Variants in PLCB1 observed in about 807,000 individuals in gnomAD.
PLCB1 encodes the protein 1-phosphatidylinositol 4,5-bisphosphate phosphodiesterase beta-1.
PLCB1 carries 46 observed loss-of-function variants against 161.8 expected under a neutral mutation model. The observed-to-expected ratio is 0.28, with a 90% CI of 0.22 to 0.36. The LOEUF (loss-of-function observed/expected upper bound fraction) is 0.36. Among genes scored for constraint, PLCB1 ranks in the 10% least tolerant of loss-of-function variants. The probability of loss-of-function intolerance (pLI) is 1.00; values close to 1 mark genes in which losing one functional copy is unlikely to be tolerated. For missense variants in PLCB1, 1,016 were observed against 1,472.5 expected (o/e 0.69, Z 5.07); for synonymous variants, 517 against 503.7 (o/e 1.03, Z -0.35).
At chr20:8,705,339 T>A (rs1483119268) in intron 11 of PLCB1, among the ~76,000 whole-genome samples, 1 of 152,156 alleles carries the variant, frequency 6.6e-6, no homozygotes, top group Non-Finnish European at 1.5e-5. Flanking sequence ...CTAGATAAAT[T>A]CTGTTTCTCT....
At chr20:8,557,633 G>A (rs1463812691) in intron 3 of PLCB1, among the ~76,000 whole-genome samples, 2 of 151,902 alleles carry the variant, frequency 1.3e-5, no homozygotes, top group Non-Finnish European at 2.9e-5. Context: ...GGTGATGATT[G>A]CACAACACAA....
At chr20:8,492,593 T>C (rs541984204) in intron 3 of PLCB1, among the ~76,000 whole-genome samples, 27 of 152,152 alleles carry the variant, frequency 1.8e-4, no homozygotes, top group African/African-American at 6.0e-4. Flanking sequence ...GGGAGTAATT[T>C]AGTAGGTTAT....
At chr20:8,691,034 T>C (rs984527604) in intron 10 of PLCB1, among the ~76,000 whole-genome samples, 6 of 152,186 alleles carry the variant, frequency 3.9e-5, no homozygotes, top group Admixed American at 6.5e-5. Flanking sequence ...GAAACAAAAC[T>C]ATATAAAAAT....
intron 1 of PLCB1, among the ~76,000 whole-genome samples, chr20:8,139,229 G>T (rs2123009111): frequency 6.6e-6 from 1 of 151,872 alleles, no homozygotes; most frequent in South Asian, 2.1e-4. Flanking sequence ...TGGGATTACA[G>T]GCACATGCCA....
intron 19 of PLCB1, among the ~76,000 whole-genome samples, chr20:8,735,214 T>G (rs549548865): frequency 2.8e-4 from 42 of 152,362 alleles, no homozygotes; most frequent in African/African-American, 9.9e-4. Context: ...TTGCTTTGCT[T>G]GCAGATTCGT....
At chr20:8,756,741 G>A (rs2123561821) in intron 23 of PLCB1, among the ~76,000 whole-genome samples, 1 of 152,300 alleles carries the variant, frequency 6.6e-6, no homozygotes, top group South Asian at 2.1e-4. Context: ...TTTGTATCAA[G>A]TTTGCTATTC....
chr20:8,849,692 A>G (rs1038583845), intron 31 of PLCB1, among the ~76,000 whole-genome samples: 5 of 140,796 alleles, frequency 3.6e-5, no homozygotes, highest in African/African-American at 1.3e-4. Flanking sequence ...ATAAAATTAA[A>G]TTAAAAATTA....
At chr20:8,665,913 T>C (rs1242931385) in intron 9 of PLCB1, among the ~76,000 whole-genome samples, 2 of 152,170 alleles carry the variant, frequency 1.3e-5, no homozygotes, top group East Asian at 3.9e-4. Flanking sequence ...ATCTGTAAAA[T>C]GGGATGAGAC....
rs149048945 is a variant in PLCB1 at position 8,779,370 on chromosome 20, G to A, written c.3111+4651G>A. On this transcript the variant is annotated intron_variant, in intron 27 of 31. Transcript: ENST00000338037. ...GAAATAATAAAAGCAGGAAAAAATG[G>A]ATATGAAAGCACAGATATAACTATT... 2.3e-3 allele frequency among the ~76,000 whole-genome samples: 350 copies of A among 152,008 alleles called. 2 individuals carry two copies. The highest frequency in any genetic ancestry group is 3.4e-3 in the Middle Eastern group (1 of 294).
chr20:8,509,502 CTGTATT>C (rs1174580961), intron 3 of PLCB1, among the ~76,000 whole-genome samples: 6 of 152,128 alleles, frequency 3.9e-5, no homozygotes, highest in Non-Finnish European at 5.9e-5. Context: ...TTTCATCAAA[CTGTATT>C]CTTCTTTAGG....
intron 9 of PLCB1, among the ~76,000 whole-genome samples, chr20:8,675,605 A>G (rs762248896): frequency 4.6e-5 from 7 of 152,220 alleles, no homozygotes; most frequent in Non-Finnish European, 8.8e-5. Context: ...CAACAAAAAT[A>G]TCTGCAGTAT....
chr20:8,206,614 A>G (rs909803394), intron 2 of PLCB1, among the ~76,000 whole-genome samples: 3 of 152,154 alleles, frequency 2.0e-5, no homozygotes, highest in African/African-American at 7.2e-5. Context: ...ATAAATACTT[A>G]CTATATTTTA....
chr20:8,881,769 G>T lies in PLCB1; in HGVS notation c.3571G>T (p.Gly1191Ter). Residue 1191 changes from glycine to a stop codon, truncating the protein, a stop_gained, in exon 32 of 32, where the codon GGA becomes TGA. Transcript: ENST00000338037. LOFTEE classifies it high-confidence loss of function. Reference protein sequence around the residue: ...SAPLSLSSDPGKVNHKTPSSE... With the variant: ...SAPLSLSSDP ...CCCTCTCTCCCTGTCCTCAGACCCT[G>T]GAAAAGTGAACCACAAGACTCCCTC... 2 of 1,614,076 alleles carry T rather than the reference G, an allele frequency of 1.2e-6. No homozygotes were observed. Among genetic ancestry groups the T allele is most frequent in the Non-Finnish European group, 1.7e-6 (2 of 1,179,972 alleles).
intron 27 of PLCB1, among the ~76,000 whole-genome samples, chr20:8,777,718 CAAA>C (rs36103446): frequency 9.6e-5 from 13 of 135,898 alleles, no homozygotes; most frequent in Admixed American, 2.9e-4. Flanking sequence ...GACTCCATCT[CAAA>C]AAAAAAAAAA....
At chr20:8,236,893 A>G (rs552266266) in intron 2 of PLCB1, among the ~76,000 whole-genome samples, 185 of 152,218 alleles carry the variant, frequency 1.2e-3, no homozygotes, top group African/African-American at 4.3e-3. Context: ...AATTTCAGCA[A>G]TAATCAAAGA....
chr20:8,746,448 A>G (rs1285925059), intron 23 of PLCB1, among the ~76,000 whole-genome samples: 3 of 152,200 alleles, frequency 2.0e-5, no homozygotes, highest in Non-Finnish European at 4.4e-5. Context: ...AGAGAAGTAA[A>G]GAAAAAAATA....
intron 3 of PLCB1, among the ~76,000 whole-genome samples, chr20:8,420,745 GC>G (rs1979504757): frequency 6.6e-6 from 1 of 152,160 alleles, no homozygotes; most frequent in Non-Finnish European, 1.5e-5. Context: ...GAAAGCTTCA[GC>G]CCTGCACATC....
In PLCB1 at chr20:8,132,425, C is replaced by G. The variant is rs1379579795; in HGVS notation, c.-227C>G. 3.3e-6 allele frequency: 1 copy of G among 302,268 alleles called. No homozygotes were observed. Among genetic ancestry groups the G allele is most frequent in the East Asian group, 5.5e-5 (1 of 18,292 alleles). The allele number at this position is 302,268 out of a possible 1,614,324, so 18.7% of individuals were successfully genotyped here. A position where few individuals can be genotyped will look rare whatever the true frequency, so the allele number is the denominator to read the frequency against. The stretch of plus-strand genomic sequence containing the variant: ...CTCATCCACCGCGGGCTCCAGACCT[C>G]GCGTCCCGCCCGGGGCATGGCCGGG... On this transcript the variant is annotated 5_prime_UTR_variant, in exon 1 of 32. Transcript: ENST00000338037. This position sits in a 1 kb window ranked among gnomAD's most constrained non-coding sequence, Gnocchi z 5.2.
intron 3 of PLCB1, among the ~76,000 whole-genome samples, chr20:8,502,090 TA>T (rs1983448949): frequency 6.6e-6 from 1 of 151,824 alleles, no homozygotes; most frequent in South Asian, 2.1e-4. Flanking sequence ...ATCTTTTTAT[TA>T]CTAAGATTAT....
Sources: allele counts gnomAD v4.1 joint callset (sites outside exome capture counted in the v4.1 genomes callset), GRCh38; gene constraint gnomAD v4.1.1; non-coding constraint Gnocchi (gnomAD v3.1); transcripts MANE v1.5; gene names NCBI Gene and HGNC (gene_info 2026-07-23, HGNC 2026-07-21).